Variants in PRKCA observed in about 807,000 individuals in gnomAD.
PRKCA encodes the protein protein kinase C alpha type.
Under a neutral mutation model 87.0 loss-of-function variants are expected in PRKCA, and 27 were observed. The observed-to-expected ratio is 0.31, with a 90% CI of 0.23 to 0.43. PRKCA has a LOEUF of 0.43. Among genes scored for constraint, PRKCA ranks in the 20% least tolerant of loss-of-function variants. The pLI, the probability that PRKCA is intolerant of heterozygous loss-of-function variation, is 1.00. For missense variants in PRKCA, 518 were observed against 852.3 expected (o/e 0.61, Z 4.88); for synonymous variants, 329 against 311.1 (o/e 1.06, Z -0.61).
rs1009977712 is a variant in PRKCA, at chr17:66,742,486, T to C, written c.1386-136T>C. 8.6e-5 allele frequency: 78 copies of C among 907,046 alleles called. No individual in the cohort carries two copies. The Admixed American group carries it at 1.1e-3, about 13-fold the overall frequency. 56.2% of individuals were successfully genotyped at this position (907,046 alleles called of 1,614,324 possible). A position where few individuals can be genotyped will look rare whatever the true frequency, so the allele number is the denominator to read the frequency against. ...GATATCAACACACATTGACTTCTGA[T>C]ACTACAGTCCAGGGACTTATAGTTA... On this transcript the variant is annotated intron_variant, in intron 12 of 16. Transcript: ENST00000413366.
chr17:66,589,369 G>A (rs12451010), intron 3 of PRKCA, among the ~76,000 whole-genome samples: 1 of 152,152 alleles, frequency 6.6e-6, no homozygotes, highest in Non-Finnish European at 1.5e-5. Context: ...TTAGATTGTA[G>A]GTTTTTTTAC....
chr17:66,773,353 C>T (rs1974981855), intron 13 of PRKCA, among the ~76,000 whole-genome samples: 1 of 152,078 alleles, frequency 6.6e-6, no homozygotes, highest in African/African-American at 2.4e-5. Flanking sequence ...GAATGTATAT[C>T]ATTGCACTTC....
chr17:66,325,741 C>T (rs558965070), intron 2 of PRKCA, among the ~76,000 whole-genome samples: 3 of 152,180 alleles, frequency 2.0e-5, no homozygotes, highest in African/African-American at 7.2e-5. Flanking sequence ...AAGCTTACTC[C>T]GAATCCTTTG....
At chr17:66,585,987 G>A (rs570142336) in intron 3 of PRKCA, among the ~76,000 whole-genome samples, 1 of 152,262 alleles carries the variant, frequency 6.6e-6, no homozygotes, top group Admixed American at 6.5e-5. Flanking sequence ...CAAATCTGTT[G>A]GGTGAATCCA....
At chr17:66,322,639 G>GTTTT (rs71160559) in intron 2 of PRKCA, among the ~76,000 whole-genome samples, 3 of 132,210 alleles carry the variant, frequency 2.3e-5, no homozygotes, top group African/African-American at 8.7e-5. Flanking sequence ...ATTTTTAATT[G>GTTTT]TTTTTTTTTT....
At chr17:66,489,664 C>G (rs894282481) in intron 2 of PRKCA, among the ~76,000 whole-genome samples, 6 of 152,104 alleles carry the variant, frequency 3.9e-5, no homozygotes, top group African/African-American at 1.4e-4. Context: ...TTTATGCCAG[C>G]ACTGATTTTA....
chr17:66,627,323 C>T (rs1399823899), intron 3 of PRKCA, among the ~76,000 whole-genome samples: 1 of 152,088 alleles, frequency 6.6e-6, no homozygotes, highest in African/African-American at 2.4e-5. Flanking sequence ...GGGAATGTAT[C>T]AATGAGTACT....
At chr17:66,633,764 T>C (rs1159102283) in intron 3 of PRKCA, among the ~76,000 whole-genome samples, 2 of 152,222 alleles carry the variant, frequency 1.3e-5, no homozygotes, top group African/African-American at 2.4e-5. Context: ...TAAAAGCACA[T>C]GTGCAGTGAT....
intron 3 of PRKCA, among the ~76,000 whole-genome samples, chr17:66,515,297 A>G (rs1013145191): frequency 4.1e-5 from 6 of 145,716 alleles, no homozygotes; most frequent in African/African-American, 1.5e-4. Flanking sequence ...AAAGAAGGGA[A>G]TGAATGTTGG....
At chr17:66,414,124 A>G (rs1057352039) in intron 2 of PRKCA, among the ~76,000 whole-genome samples, 1 of 152,176 alleles carries the variant, frequency 6.6e-6, no homozygotes, top group South Asian at 2.1e-4. Context: ...TCAGGAACTA[A>G]ATGTATACCA....
intron 5 of PRKCA, among the ~76,000 whole-genome samples, chr17:66,678,981 T>C (rs1351347054): frequency 6.6e-6 from 1 of 152,086 alleles, no homozygotes; most frequent in East Asian, 1.9e-4. Context: ...ATTTCCTCTT[T>C]GGTGGCATGG....
rs150930425 is a variant in PRKCA at position 66,515,765 on chromosome 17, G to A, written c.288+19482G>A. Among the ~76,000 whole-genome samples, 22 of 152,256 alleles carry A rather than the reference G, an allele frequency of 1.4e-4. No individual in the cohort carries two copies. The East Asian group carries it at 2.3e-3, about 16-fold the overall frequency. ...TCGCTATGTTGCCCTGGCTGGTCTT[G>A]AACTCCTGGGCTGAAGCAATCCGCC... On this transcript the variant is annotated intron_variant, in intron 3 of 16. Coordinates refer to ENST00000413366, the MANE Select transcript of PRKCA (RefSeq NM_002737.3).
intron 2 of PRKCA, among the ~76,000 whole-genome samples, chr17:66,380,239 C>T (rs1909703997): frequency 6.6e-6 from 1 of 151,350 alleles, no homozygotes; most frequent in Admixed American, 6.6e-5. Flanking sequence ...TGTATTCAAC[C>T]TTATGAGAAA....
At chr17:66,557,239 G>C (rs1968524237) in intron 3 of PRKCA, among the ~76,000 whole-genome samples, 1 of 152,142 alleles carries the variant, frequency 6.6e-6, no homozygotes, top group Non-Finnish European at 1.5e-5. Flanking sequence ...GGGCCTTGGG[G>C]AAGGACATAA....
intron 3 of PRKCA, among the ~76,000 whole-genome samples, chr17:66,528,568 G>A (rs1967428902): frequency 6.6e-6 from 1 of 152,110 alleles, no homozygotes; most frequent in Non-Finnish European, 1.5e-5. Flanking sequence ...ATGAACCAAG[G>A]AATACAGGTG....
chr17:66,783,532 G>A (rs779335476), intron 14 of PRKCA, among the ~76,000 whole-genome samples: 4 of 152,166 alleles, frequency 2.6e-5, no homozygotes, highest in East Asian at 1.9e-4. Context: ...ATGAGCATAC[G>A]TGGGGACAGC....
intron 3 of PRKCA, among the ~76,000 whole-genome samples, chr17:66,610,520 C>T (rs1001576950): frequency 2.6e-5 from 4 of 152,166 alleles, no homozygotes; most frequent in South Asian, 2.1e-4. Context: ...CAGAGTCACC[C>T]CATGATAACA....
chr17:66,484,277 G>C (rs1041698488), intron 2 of PRKCA, among the ~76,000 whole-genome samples: 1 of 152,176 alleles, frequency 6.6e-6, no homozygotes, highest in African/African-American at 2.4e-5. Context: ...AGATTTGGGT[G>C]GAGACACAGC....
At chr17:66,380,610 A>G (rs1909725141) in intron 2 of PRKCA, among the ~76,000 whole-genome samples, 10 of 152,222 alleles carry the variant, frequency 6.6e-5, no homozygotes, top group Admixed American at 6.5e-4. Flanking sequence ...TTGTATAAAT[A>G]TATGCTAATT....
Sources: gnomAD v4.1 joint callset for allele counts (sites outside exome capture counted in the v4.1 genomes callset) on GRCh38, gnomAD v4.1.1 for gene constraint, MANE v1.5 for transcripts, NCBI Gene and HGNC (gene_info 2026-07-23, HGNC 2026-07-21) for gene names.